Variants in ANKRD10 observed in about 807,000 individuals in gnomAD.
ANKRD10 encodes the protein ankyrin repeat domain 10.
A neutral mutation model predicts 27.0 loss-of-function variants in ANKRD10; 14 were observed. The observed-to-expected ratio is 0.52, with a 90% CI of 0.34 to 0.81. The LOEUF is 0.81. Ranked by LOEUF, ANKRD10 falls within the 40% of genes least tolerant of loss-of-function variation. The pLI is 0.01. For synonymous variants in ANKRD10, 250 were observed against 224.5 expected, an observed-to-expected ratio of 1.11 and a Z score of -1.01; for missense variants, 493 against 544.0, an observed-to-expected ratio of 0.91 and a Z score of 0.93.
chr13:110,906,168 C>G (rs1387005784), intron 2 of ANKRD10, 44 bp from the exon 3 acceptor site: 2 of 1,467,676 alleles, frequency 1.4e-6, no homozygotes, highest in East Asian at 2.4e-5. Context: ...TAGAACAAAA[C>G]TTCTGACATT....
intron 3 of ANKRD10, among the ~76,000 whole-genome samples, chr13:110,895,722 A>G (rs946936371): frequency 2.0e-5 from 3 of 152,222 alleles, no homozygotes; most frequent in African/African-American, 7.2e-5. Context: ...TGAAGACTAC[A>G]CTGAATTTGG....
intron 4 of ANKRD10, among the ~76,000 whole-genome samples, chr13:110,887,992 C>T (rs2064977518): frequency 6.6e-6 from 1 of 152,230 alleles, no homozygotes; most frequent in South Asian, 2.1e-4. Context: ...CTGTAGAGCA[C>T]ATTTTACTCA....
chr13:110,879,493 A>T lies in ANKRD10; in HGVS notation c.*144T>A. 1.5e-6 allele frequency: 1 copy of T among 658,046 alleles called. No individual in the cohort carries two copies. The highest frequency in any genetic ancestry group is 1.9e-5 in the South Asian group (1 of 52,638). The allele number at this position is 658,046 out of a possible 1,614,324, so 40.8% of individuals were successfully genotyped here. On this transcript the variant is annotated 3_prime_UTR_variant, in exon 6 of 6. Coordinates refer to ENST00000267339, the MANE Select transcript of ANKRD10 (RefSeq NM_017664.4). Reference sequence around the variant, plus strand: ...ATGCACAAACAAGCAGTTGCTGGGAACTTGTCGAAGTTTACTTTTTCAGAA... The same window carrying T: ...ATGCACAAACAAGCAGTTGCTGGGATCTTGTCGAAGTTTACTTTTTCAGAA...
At position 110,885,258 on chromosome 13, in the gene ANKRD10, A is replaced by G. The variant is rs1324181545; in HGVS notation, c.692-1465T>C. Among the ~76,000 whole-genome samples, 11 of 150,582 alleles carry G rather than the reference A, an allele frequency of 7.3e-5. No individual in the cohort carries two copies. In the South Asian group the frequency reaches 2.1e-3, roughly 29 times the overall value. On this transcript the variant is annotated intron_variant, in intron 4 of 5. Coordinates refer to ENST00000267339, the MANE Select transcript of ANKRD10 (RefSeq NM_017664.4). The stretch of plus-strand genomic sequence containing the variant: ...AGGGCATCTTTTGAAAAAAAGAGAG[A>G]GAAAAAAAAAAGGGCTGGGCATGGT...
At chr13:110,896,370 T>G (rs1267037815) in intron 3 of ANKRD10, among the ~76,000 whole-genome samples, 37 of 152,230 alleles carry the variant, frequency 2.4e-4, no homozygotes, top group Non-Finnish European at 1.0e-4. Context: ...ACAGTTTAAT[T>G]TGTTAGCATT....
chr13:110,899,329 G>A (rs932464225), intron 3 of ANKRD10, among the ~76,000 whole-genome samples: 6 of 152,194 alleles, frequency 3.9e-5, no homozygotes, highest in East Asian at 3.8e-4. Flanking sequence ...CAAAACAGAC[G>A]CACTTTTGAA....
intron 4 of ANKRD10, among the ~76,000 whole-genome samples, chr13:110,889,610 A>T (rs920443473): frequency 2.0e-5 from 3 of 152,220 alleles, no homozygotes; most frequent in Non-Finnish European, 2.9e-5. Context: ...AAATTCCTCC[A>T]ATTTAAAATA....
intron 3 of ANKRD10, among the ~76,000 whole-genome samples, chr13:110,897,055 C>CA (rs528932722): frequency 9.9e-5 from 15 of 151,608 alleles, no homozygotes; most frequent in Admixed American, 2.6e-4. Context: ...ATTAGCCATA[C>CA]AAAAAAAATA....
Position 110,879,434 on chromosome 13 carries a change from G to A in ANKRD10, c.*203C>T. 3.5e-6 allele frequency: 2 copies of A among 571,582 alleles called. No homozygotes were observed. Among genetic ancestry groups the A allele is most frequent in the South Asian group, 4.6e-5 (2 of 43,886 alleles). The allele number at this position is 571,582 out of a possible 1,614,324, so 35.4% of individuals were successfully genotyped here. On this transcript the variant is annotated 3_prime_UTR_variant, in exon 6 of 6. Coordinates refer to ENST00000267339, the MANE Select transcript of ANKRD10 (RefSeq NM_017664.4). ...CACCTTATAAAAAGGACACCTCACT[G>A]TAGAAACATCTATGCACTTAGTAAG... is the stretch of plus-strand genomic sequence containing the variant.
chr13:110,912,812 G>A (rs2065758223), intron 1 of ANKRD10, among the ~76,000 whole-genome samples: 1 of 152,218 alleles, frequency 6.6e-6, no homozygotes, highest in African/African-American at 2.4e-5. Context: ...CGGTAGCCCT[G>A]AGTCCTGGCC....
chr13:110,905,530 A>T, intron 3 of ANKRD10, among the ~76,000 whole-genome samples: 1 of 152,270 alleles, frequency 6.6e-6, no homozygotes, highest in South Asian at 2.1e-4. Context: ...TCAACCATTA[A>T]GTTACAATGG....
In ANKRD10 at chr13:110,914,945, C is replaced by G; in HGVS notation, c.-11G>C. The G allele has an allele frequency of 1.3e-6, 2 of 1,528,902 alleles. No homozygotes were observed. The highest frequency in any genetic ancestry group is 1.7e-6 in the Non-Finnish European group (2 of 1,143,312). 94.7% of individuals were successfully genotyped at this position (1,528,902 alleles called of 1,614,324 possible). ...TCCCGCCGCCGACATGGTCCGTCACCGGAGAGCGCGGGGCTCGCTGGCCTA... is the reference window on the plus strand; with the variant it reads ...TCCCGCCGCCGACATGGTCCGTCACGGGAGAGCGCGGGGCTCGCTGGCCTA... On this transcript the variant is annotated 5_prime_UTR_variant, in exon 1 of 6. Coordinates refer to ENST00000267339, the MANE Select transcript of ANKRD10 (RefSeq NM_017664.4).
chr13:110,885,863 G>T (rs1487574159), intron 4 of ANKRD10, among the ~76,000 whole-genome samples: 1 of 152,176 alleles, frequency 6.6e-6, no homozygotes, highest in Non-Finnish European at 1.5e-5. Flanking sequence ...GGCAACTAGG[G>T]GTTACCTGCA....
intron 3 of ANKRD10, among the ~76,000 whole-genome samples, chr13:110,896,264 G>A (rs1262152415): frequency 3.3e-5 from 5 of 152,222 alleles, no homozygotes; most frequent in Admixed American, 6.5e-5. Flanking sequence ...ATCGGAAACA[G>A]AAATATCCAG....
intron 2 of ANKRD10, among the ~76,000 whole-genome samples, chr13:110,908,403 C>T (rs2065598463): frequency 6.6e-6 from 1 of 152,126 alleles, no homozygotes; most frequent in Non-Finnish European, 1.5e-5. Flanking sequence ...ACACAGGCCT[C>T]TAGGCAGCAT....
intron 2 of ANKRD10, among the ~76,000 whole-genome samples, chr13:110,907,752 C>T (rs190793533): frequency 2.7e-3 from 408 of 152,090 alleles, no homozygotes; most frequent in African/African-American, 9.0e-3. Flanking sequence ...CTATCCTCCC[C>T]AAAAGAGAGG....
At chr13:110,914,046 C>T (rs1015951964) in intron 1 of ANKRD10, among the ~76,000 whole-genome samples, 5 of 152,232 alleles carry the variant, frequency 3.3e-5, no homozygotes, top group African/African-American at 1.2e-4. Flanking sequence ...CCAAGATAAA[C>T]ACAGCCGTCA....
chr13:110,891,458 A>G (rs967989101), intron 4 of ANKRD10, among the ~76,000 whole-genome samples: 1 of 152,248 alleles, frequency 6.6e-6, no homozygotes, highest in Admixed American at 6.5e-5. Flanking sequence ...ACTCATAAAA[A>G]TCTTGAATTT....
intron 2 of ANKRD10, among the ~76,000 whole-genome samples, chr13:110,909,216 A>G (rs2065623528): frequency 6.6e-6 from 1 of 152,232 alleles, no homozygotes; most frequent in Non-Finnish European, 1.5e-5. Context: ...ACCTACAAAA[A>G]TGATATACTT....
Sources: allele counts gnomAD v4.1 joint callset (sites outside exome capture counted in the v4.1 genomes callset), GRCh38; gene constraint gnomAD v4.1.1; transcripts MANE v1.5; gene names NCBI Gene and HGNC (gene_info 2026-07-23, HGNC 2026-07-21).